The following SERPINB12 variants were observed in gnomAD, a reference collection of about 807,000 sequenced individuals.
SERPINB12 encodes serpin family B member 12.
SERPINB12 carries 57 observed loss-of-function variants against 41.1 expected under a neutral mutation model. That is an observed-to-expected ratio of 1.39 (90% CI 1.12 to 1.73). The LOEUF is 1.73. SERPINB12 is among the 40% of genes most tolerant of loss of function. The probability of loss-of-function intolerance (pLI) is 0.00; values close to 1 mark genes in which losing one functional copy is unlikely to be tolerated. For synonymous variants in SERPINB12, 180 were observed against 181.3 expected (o/e 0.99, Z 0.06); for missense variants, 536 against 501.9 (o/e 1.07, Z -0.65).
At position 63,566,684 on chromosome 18, in the gene SERPINB12, G is replaced by T; in HGVS notation, c.951G>T (p.Leu317=). The change falls in exon 8 of 8, where the codon CTG becomes CTT. Residue 317 remains leucine, a synonymous_variant. Coordinates refer to ENST00000382768, the MANE Select transcript of SERPINB12 (RefSeq NM_001307928.2). Reference sequence around the variant, plus strand: ...ACATGTCAGAAGAATCGGTGGTCCTGTCCTTCCCCCGGTTCACCCTGGAAG... The same window carrying T: ...ACATGTCAGAAGAATCGGTGGTCCTTTCCTTCCCCCGGTTCACCCTGGAAG... ...SENMSEESVV[L]SFPRFTLEDS... The T allele has an allele frequency of 6.2e-7, 1 of 1,613,994 alleles. No homozygotes were observed. Among genetic ancestry groups the T allele is most frequent in the African/African-American group, 1.3e-5 (1 of 74,988 alleles).
Position 63,558,407 on chromosome 18 carries a change from T to C in SERPINB12, c.224T>C (p.Leu75Pro). 6.2e-7 allele frequency: 1 copy of C among 1,613,916 alleles called. No individual in the cohort carries two copies. The highest frequency in any genetic ancestry group is 1.3e-5 in the African/African-American group (1 of 75,024). ...GAAAGCAAAGAACCTGACCCTTGTC[T>C]GAAAAGCAACAAACAAAAAGTGCTG... ...QNESKEPDPC[L>P]KSNKQKVLAD... Residue 75 changes from leucine (L) to proline (P), a missense_variant, in exon 3 of 8, where the codon CTG becomes CCG. By Grantham distance (98) the Leu-to-Pro change is moderately conservative (BLOSUM62 -3). Coordinates refer to ENST00000382768, the MANE Select transcript of SERPINB12 (RefSeq NM_001307928.2).
At chr18:63,565,424 C>A (rs750154508) in intron 6 of SERPINB12, 21 bp from the exon 7 acceptor site, 2 of 1,607,280 alleles carry the variant, frequency 1.2e-6, no homozygotes, top group Admixed American at 3.4e-5. Context: ...GTCCTGTGAC[C>A]TCCTACCTTG....
intron 4 of SERPINB12, 101 bp from the exon 5 acceptor site, chr18:63,560,984 C>G: frequency 1.3e-6 from 1 of 748,982 alleles, no homozygotes; most frequent in Non-Finnish European, 2.3e-6. Flanking sequence ...AATGACCAGG[C>G]TCATCTTTCT....
chr18:63,522,680 T>C, the SERPINB12 span, among the ~76,000 whole-genome samples: 1 of 152,216 alleles, frequency 6.6e-6, no homozygotes, highest in Non-Finnish European at 1.5e-5. Context: ...GTCCATCATC[T>C]AAACATTATT....
upstream of SERPINB12, among the ~76,000 whole-genome samples, chr18:63,538,987 G>A (rs1910224479): frequency 6.6e-6 from 1 of 152,124 alleles, no homozygotes; most frequent in African/African-American, 2.4e-5. Flanking sequence ...GGTGGCTCAT[G>A]CCTGTAGTGA....
intron 1 of SERPINB12, among the ~76,000 whole-genome samples, chr18:63,550,306 C>T (rs1370735114): frequency 6.6e-6 from 1 of 152,090 alleles, no homozygotes; most frequent in African/African-American, 2.4e-5. Flanking sequence ...TGGATATTTT[C>T]CAGAGTAAAC....
At chr18:63,520,566 T>C in the SERPINB12 span, among the ~76,000 whole-genome samples, 1 of 151,838 alleles carries the variant, frequency 6.6e-6, no homozygotes, top group East Asian at 1.9e-4. Flanking sequence ...CTGAATGAAA[T>C]TGGGGGACTC....
rs556585629 is a variant in SERPINB12, at chr18:63,561,127, G to A, written c.487G>A (p.Glu163Lys). The change falls in exon 5 of 8, where the codon GAA (glutamate) becomes AAA (lysine). Residue 163 changes from glutamate to lysine, a missense_variant. Coordinates refer to ENST00000382768, the MANE Select transcript of SERPINB12 (RefSeq NM_001307928.2). Reference protein sequence around the residue: ...GVIQFYHTTIESVDFQKNPEK... With the variant: ...GVIQFYHTTIKSVDFQKNPEK... ...GATTCAATTTTACCACACGACGATTGAAAGTGTTGATTTCCAAAAAAACCC... is the reference window on the plus strand; with the variant it reads ...GATTCAATTTTACCACACGACGATTAAAAGTGTTGATTTCCAAAAAAACCC... 9 of 1,613,208 alleles carry A rather than the reference G, an allele frequency of 5.6e-6. No homozygotes were observed. The African/African-American group carries it at 1.1e-4, about 19-fold the overall frequency.
the SERPINB12 span, among the ~76,000 whole-genome samples, chr18:63,524,041 T>TA: frequency 6.6e-6 from 1 of 152,056 alleles, no homozygotes; most frequent in African/African-American, 2.4e-5. Context: ...CAGGAAGAAA[T>TA]ACGGCAGAAA....
At chr18:63,556,354 G>T in intron 2 of SERPINB12, 27 bp downstream of exon 2, 1 of 1,605,082 alleles carries the variant, frequency 6.2e-7, no homozygotes, top group Non-Finnish European at 8.5e-7. Flanking sequence ...GTGCTACACA[G>T]GGTCCTAAAC....
chr18:63,533,994 T>C, the SERPINB12 span, among the ~76,000 whole-genome samples: 1 of 152,228 alleles, frequency 6.6e-6, no homozygotes, highest in Non-Finnish European at 1.5e-5. Context: ...TGTGAGGTAG[T>C]TTTGGGATGC....
chr18:63,565,563 T>C lies in SERPINB12; in HGVS notation c.824T>C (p.Phe275Ser). Residue 275 changes from phenylalanine (F) to serine (S), a missense_variant, in exon 7 of 8, where the codon TTC becomes TCC. Phe to Ser is a radical substitution (Grantham distance 155). Transcript: ENST00000382768. ...TACACCAAGGGGAAGCTCAGCATGT[T>C]CGTGCTGCTGCCATCTCACTCTAAA... The part of the protein sequence containing the change: ...MRYTKGKLSM[F>S]VLLPSHSKDN... 6.2e-7 allele frequency: 1 copy of C among 1,614,118 alleles called. No individual in the cohort carries two copies. The highest frequency in any genetic ancestry group is 8.5e-7 in the Non-Finnish European group (1 of 1,179,974).
the SERPINB12 span, among the ~76,000 whole-genome samples, chr18:63,536,359 T>C: frequency 6.6e-6 from 1 of 152,162 alleles, no homozygotes; most frequent in African/African-American, 2.4e-5. Context: ...TAAGAAAATA[T>C]AAATTACTCA....
At chr18:63,522,240 G>A in the SERPINB12 span, among the ~76,000 whole-genome samples, 4 of 152,152 alleles carry the variant, frequency 2.6e-5, no homozygotes, top group Non-Finnish European at 4.4e-5. Flanking sequence ...TCTGCAGGAC[G>A]TATAAACAAC....
intron 3 of SERPINB12, among the ~76,000 whole-genome samples, chr18:63,558,950 T>G (rs1432200920): frequency 2.0e-5 from 3 of 151,818 alleles, no homozygotes; most frequent in Non-Finnish European, 4.4e-5. Flanking sequence ...TCCCCCTACT[T>G]TAGAAAGTTT....
chr18:63,555,281 C>T (rs1910637666), intron 1 of SERPINB12, among the ~76,000 whole-genome samples: 1 of 152,144 alleles, frequency 6.6e-6, no homozygotes, highest in Non-Finnish European at 1.5e-5. Context: ...TAACAAGGCA[C>T]ATGACCCATG....
rs1370312808 is a variant in SERPINB12 at position 63,568,074 on chromosome 18, T to G, written c.*1063T>G. On this transcript the variant is annotated 3_prime_UTR_variant, in exon 8 of 8. Transcript: ENST00000382768. ...GTGACAACAGGCTTGAGCCTGGGCA[T>G]GGTGTCCATAGCAATGCTTGTTGGC... is the stretch of plus-strand genomic sequence containing the variant. Among the ~76,000 whole-genome samples, 1 of 152,200 alleles carries G rather than the reference T, an allele frequency of 6.6e-6. No homozygotes were observed. Among genetic ancestry groups the G allele is most frequent in the African/African-American group, 2.4e-5 (1 of 41,456 alleles).
At chr18:63,545,420 C>G (rs1223023575) in intron 1 of SERPINB12, among the ~76,000 whole-genome samples, 5 of 152,222 alleles carry the variant, frequency 3.3e-5, no homozygotes, top group African/African-American at 1.2e-4. Context: ...TTCTCATCCC[C>G]TTGTTAGTGA....
In SERPINB12 at chr18:63,558,404, G is replaced by T. The variant is rs1230403368; in HGVS notation, c.221G>T (p.Cys74Phe). The T allele has an allele frequency of 1.2e-6, 2 of 1,613,796 alleles. No individual in the cohort carries two copies. Among genetic ancestry groups the T allele is most frequent in the Non-Finnish European group, 8.5e-7 (1 of 1,179,822 alleles). Residue 74 changes from cysteine (C) to phenylalanine (F), a missense_variant, in exon 3 of 8, where the codon TGT becomes TTT. Coordinates refer to ENST00000382768, the MANE Select transcript of SERPINB12 (RefSeq NM_001307928.2). Reference protein sequence around the residue: ...SQNESKEPDPCLKSNKQKVLA... With the variant: ...SQNESKEPDPFLKSNKQKVLA... Reference sequence around the variant, plus strand: ...AATGAAAGCAAAGAACCTGACCCTTGTCTGAAAAGCAACAAACAAAAAGTG... The same window carrying T: ...AATGAAAGCAAAGAACCTGACCCTTTTCTGAAAAGCAACAAACAAAAAGTG...
Sources: allele counts gnomAD v4.1 joint callset (sites outside exome capture counted in the v4.1 genomes callset), GRCh38; gene constraint gnomAD v4.1.1; transcripts MANE v1.5; gene names NCBI Gene and HGNC (gene_info 2026-07-23, HGNC 2026-07-21).